UBXN7: variants seen among roughly 807,000 people sequenced by gnomAD.
UBXN7 encodes the protein UBX domain-containing protein 7.
Under a neutral mutation model 58.0 loss-of-function variants are expected in UBXN7, and 9 were observed. The observed-to-expected ratio is 0.16, with a 90% CI of 0.09 to 0.27. The LOEUF (loss-of-function observed/expected upper bound fraction) is 0.27. Ranked by LOEUF, UBXN7 falls within the 10% of genes least tolerant of loss-of-function variation. The pLI is 1.00. For missense variants in UBXN7, 328 were observed against 599.6 expected, an observed-to-expected ratio of 0.55 and a Z score of 4.73; for synonymous variants, 208 against 205.0, an observed-to-expected ratio of 1.01 and a Z score of -0.12.
intron 8 of UBXN7, among the ~76,000 whole-genome samples, chr3:196,363,457 C>A (rs1442944844): frequency 6.6e-6 from 1 of 151,596 alleles, no homozygotes; most frequent in South Asian, 2.1e-4. Context: ...AAGATCGAGA[C>A]CATCCTGGCC....
chr3:196,407,895 G>A (rs981374809), intron 1 of UBXN7, among the ~76,000 whole-genome samples: 1 of 151,830 alleles, frequency 6.6e-6, no homozygotes, highest in Admixed American at 6.6e-5. Flanking sequence ...GTCAGGAGTT[G>A]GAGACCAGCC....
Position 196,351,708 on chromosome 3 carries a change from G to T in UBXN7, c.*4977C>A, listed in dbSNP as rs1560213775. ...AACCAGAGATTAAGAAGAAAGAGAA[G>T]TGTGAAGGTAACAACTAGCAGAGCT... On this transcript the variant is annotated 3_prime_UTR_variant, in exon 11 of 11. Transcript: ENST00000296328. 1 of 152,206 alleles carries T rather than the reference G, an allele frequency of 6.6e-6. No homozygotes were observed. The highest frequency in any genetic ancestry group is 1.9e-4 in the East Asian group (1 of 5,204). 9.4% of individuals were successfully genotyped at this position (152,206 alleles called of 1,614,324 possible).
At chr3:196,401,318 CACATATATATATAT>C (rs1729973222) in intron 3 of UBXN7, among the ~76,000 whole-genome samples, 1 of 96,182 alleles carries the variant, frequency 1.0e-5, no homozygotes, top group Non-Finnish European at 1.9e-5. Context: ...CACACACACA[CACATATATATATAT>C]ACACATATAT....
chr3:196,390,730 GAAAA>G (rs528568666), intron 5 of UBXN7, among the ~76,000 whole-genome samples: 1 of 101,538 alleles, frequency 9.8e-6, no homozygotes. Context: ...CCATCTCAAG[GAAAA>G]AAAAAAAAAA....
At chr3:196,427,105 C>G (rs1379918598) in intron 1 of UBXN7, among the ~76,000 whole-genome samples, 1 of 152,126 alleles carries the variant, frequency 6.6e-6, no homozygotes, top group African/African-American at 2.4e-5. Context: ...CCTTAGACTG[C>G]TAGCTTATTT....
At chr3:196,431,677 T>G (rs746709985) in intron 1 of UBXN7, 2 of 277,720 alleles carry the variant, frequency 7.2e-6, no homozygotes, top group South Asian at 5.7e-5. Flanking sequence ...AGCTTGGGGG[T>G]TCCCCCTCAT....
intron 5 of UBXN7, among the ~76,000 whole-genome samples, chr3:196,378,180 C>G (rs1259478722): frequency 1.3e-5 from 2 of 152,194 alleles, no homozygotes; most frequent in Non-Finnish European, 2.9e-5. Flanking sequence ...TAATTTACCA[C>G]TATCTCCCTG....
chr3:196,428,782 T>C (rs1262023395), intron 1 of UBXN7, among the ~76,000 whole-genome samples: 2 of 147,366 alleles, frequency 1.4e-5, no homozygotes, highest in Non-Finnish European at 3.0e-5. Flanking sequence ...ATCACACCAC[T>C]GCACTCTAGT....
At chr3:196,396,396 TAAAA>T (rs79527660) in intron 3 of UBXN7, among the ~76,000 whole-genome samples, 18 of 141,956 alleles carry the variant, frequency 1.3e-4, no homozygotes, top group African/African-American at 4.2e-4. Flanking sequence ...CCCTGTCTCT[TAAAA>T]AAAAAAAAAA....
At chr3:196,407,893 T>G (rs1482659991) in intron 1 of UBXN7, among the ~76,000 whole-genome samples, 9 of 151,216 alleles carry the variant, frequency 6.0e-5, no homozygotes, top group African/African-American at 2.2e-4. Flanking sequence ...AGGTCAGGAG[T>G]TGGAGACCAG....
intron 5 of UBXN7, among the ~76,000 whole-genome samples, chr3:196,391,277 G>C (rs1471438567): frequency 3.3e-5 from 5 of 152,050 alleles, no homozygotes; most frequent in Non-Finnish European, 7.4e-5. Context: ...CTAATAAAAG[G>C]ATTTCATCAA....
chr3:196,371,852 A>G, intron 6 of UBXN7, 44 bp downstream of exon 6: 2 of 1,591,144 alleles, frequency 1.3e-6, no homozygotes, highest in Non-Finnish European at 1.7e-6. Flanking sequence ...CCCACACTAC[A>G]AAAGTAAAAT....
chr3:196,416,525 G>A (rs1730492216), intron 1 of UBXN7, among the ~76,000 whole-genome samples: 1 of 152,086 alleles, frequency 6.6e-6, no homozygotes, highest in East Asian at 1.9e-4. Context: ...TCATCTACCA[G>A]AACTCCAATG....
rs1386004934 is a variant in UBXN7 at position 196,399,384 on chromosome 3, C to T, written c.289+3568G>A. Among the ~76,000 whole-genome samples, 6 of 152,042 alleles carry T rather than the reference C, an allele frequency of 3.9e-5. No individual in the cohort carries two copies. The South Asian group carries it at 6.2e-4, about 16-fold the overall frequency. On this transcript the variant is annotated intron_variant, in intron 3 of 10. Coordinates refer to ENST00000296328, the MANE Select transcript of UBXN7 (RefSeq NM_015562.2). ...AACTCCTGGGCTCAAGCAATCCTCCCGCCTCAGCCTCCCAAAGTGTTGAGA... is the reference window on the plus strand; with the variant it reads ...AACTCCTGGGCTCAAGCAATCCTCCTGCCTCAGCCTCCCAAAGTGTTGAGA...
At chr3:196,405,561 A>AGTGT (rs150829704) in intron 2 of UBXN7, among the ~76,000 whole-genome samples, 9 of 150,692 alleles carry the variant, frequency 6.0e-5, no homozygotes, top group East Asian at 1.9e-4. Flanking sequence ...CTCGCTTTAC[A>AGTGT]GTGTGTGTGT....
At chr3:196,395,169 G>A (rs1729730771) in intron 3 of UBXN7, among the ~76,000 whole-genome samples, 1 of 152,154 alleles carries the variant, frequency 6.6e-6, no homozygotes, top group African/African-American at 2.4e-5. Context: ...TTAGTATCAA[G>A]ATTAGACAGA....
At position 196,379,650 on chromosome 3, in the gene UBXN7, G is replaced by A. The variant is rs985495253; in HGVS notation, c.469-7608C>T. 4.6e-5 allele frequency among the ~76,000 whole-genome samples: 7 copies of A among 152,128 alleles called. No individual in the cohort carries two copies. The East Asian group carries it at 5.8e-4, about 13-fold the overall frequency. Reference sequence around the variant, plus strand: ...CTCAGTCTGAAAGCATCTGTATGGCGAGCGCCATTCCTAACTCTTGAGTCC... The same window carrying A: ...CTCAGTCTGAAAGCATCTGTATGGCAAGCGCCATTCCTAACTCTTGAGTCC... On this transcript the variant is annotated intron_variant, in intron 5 of 10. Transcript: ENST00000296328.
intron 6 of UBXN7, among the ~76,000 whole-genome samples, chr3:196,369,940 G>C (rs1422749313): frequency 6.6e-6 from 1 of 152,032 alleles, no homozygotes; most frequent in Non-Finnish European, 1.5e-5. Flanking sequence ...AGACCATCCT[G>C]GCCAACATGG....
chr3:196,417,724 TAAAAAAAAAAAAAAAAAA>T (rs749981900), intron 1 of UBXN7, among the ~76,000 whole-genome samples: 7 of 31,688 alleles, frequency 2.2e-4, no homozygotes, highest in African/African-American at 5.0e-4. Context: ...GCAAAATGGT[TAAAAAAAAAAAAAAAAAA>T]AAAAAAAAAA....
Sources: gnomAD v4.1 joint callset for allele counts (sites outside exome capture counted in the v4.1 genomes callset) on GRCh38, gnomAD v4.1.1 for gene constraint, MANE v1.5 for transcripts, NCBI Gene and HGNC (gene_info 2026-07-23, HGNC 2026-07-21) for gene names.